The following EIF4EBP2 variants were observed in gnomAD, a reference collection of about 807,000 sequenced individuals.
The protein encoded by EIF4EBP2 is eukaryotic translation initiation factor 4E-binding protein 2.
Under a neutral mutation model 10.3 loss-of-function variants are expected in EIF4EBP2, and 5 were observed. The ratio of observed to expected loss-of-function variants is 0.48; its 90% CI spans 0.25 to 1.02. The LOEUF is 1.02. Among genes scored for constraint, EIF4EBP2 ranks in the 50% least tolerant of loss-of-function variants. The pLI, the probability that EIF4EBP2 is intolerant of heterozygous loss-of-function variation, is 0.15. For missense variants in EIF4EBP2, 188 were observed against 162.2 expected, an observed-to-expected ratio of 1.16 and a Z score of -0.86; for synonymous variants, 67 against 61.1, an observed-to-expected ratio of 1.10 and a Z score of -0.45.
At chr10:70,415,531 A>G (rs1395240532) in intron 1 of EIF4EBP2, among the ~76,000 whole-genome samples, 1 of 152,252 alleles carries the variant, frequency 6.6e-6, no homozygotes, top group African/African-American at 2.4e-5. Context: ...TGTGGTTTCA[A>G]AACTTATTAC....
chr10:70,419,447 TTTTCTCATACTTGTTTATTC>T (rs1845132188), intron 1 of EIF4EBP2, among the ~76,000 whole-genome samples: 1 of 152,246 alleles, frequency 6.6e-6, no homozygotes, highest in African/African-American at 2.4e-5. Flanking sequence ...GCTGTTTATT[TTTTCTCATACTTGTTTATTC>T]TTTCATTTAA....
intron 1 of EIF4EBP2, among the ~76,000 whole-genome samples, chr10:70,406,498 A>G (rs991174319): frequency 6.6e-6 from 1 of 151,560 alleles, no homozygotes; most frequent in Non-Finnish European, 1.5e-5. Flanking sequence ...CTCAGCTATA[A>G]TGTATTTGGA....
chr10:70,414,965 T>A (rs965354732), intron 1 of EIF4EBP2, among the ~76,000 whole-genome samples: 2 of 152,108 alleles, frequency 1.3e-5, no homozygotes, highest in Non-Finnish European at 2.9e-5. Flanking sequence ...AAGACCAGCC[T>A]GGGCAACATG....
intron 1 of EIF4EBP2, among the ~76,000 whole-genome samples, chr10:70,414,310 C>T (rs1453606713): frequency 3.3e-5 from 5 of 151,762 alleles, no homozygotes; most frequent in Non-Finnish European, 7.4e-5. Context: ...TGCTTTATAC[C>T]CACTACAATT....
intron 1 of EIF4EBP2, among the ~76,000 whole-genome samples, chr10:70,412,413 C>T (rs904641130): frequency 6.6e-6 from 1 of 151,696 alleles, no homozygotes; most frequent in African/African-American, 2.4e-5. Context: ...GGTGGGGGCT[C>T]CCTGTAAAAA....
chr10:70,406,865 G>C (rs1196796540), intron 1 of EIF4EBP2, among the ~76,000 whole-genome samples: 1 of 152,182 alleles, frequency 6.6e-6, no homozygotes, highest in Non-Finnish European at 1.5e-5. Flanking sequence ...TTTATTGGGA[G>C]AGCCCATCAT....
In EIF4EBP2 at chr10:70,422,031, A is replaced by T; in HGVS notation, c.*284A>T. The stretch of plus-strand genomic sequence containing the variant: ...GCAGCCCTTAGAGGAAAACAGTTCA[A>T]CTCTGACTTTCCTAGTTGTTTTTTT... On this transcript the variant is annotated 3_prime_UTR_variant, in exon 3 of 3. Transcript: ENST00000373218. 2.4e-6 allele frequency: 1 copy of T among 408,746 alleles called. No individual in the cohort carries two copies. The highest frequency in any genetic ancestry group is 4.4e-6 in the Non-Finnish European group (1 of 226,520). 25.3% of individuals were successfully genotyped at this position (408,746 alleles called of 1,614,324 possible). A position where few individuals can be genotyped will look rare whatever the true frequency, so the allele number is the denominator to read the frequency against.
rs540875289 is a variant in EIF4EBP2 at position 70,418,188 on chromosome 10, C to G, written c.146-1726C>G. ...ATGGAACACCACAGAGTTGAGGCCC[C>G]CTTACCCCCATGTAAGGGACACAAA... On this transcript the variant is annotated intron_variant, in intron 1 of 2. Transcript: ENST00000373218. Among the ~76,000 whole-genome samples the G allele has an allele frequency of 2.0e-5, 3 of 152,274 alleles. No homozygotes were observed. The South Asian group carries it at 6.2e-4, about 32-fold the overall frequency.
rs180997209 is a variant in EIF4EBP2, at chr10:70,422,533, C to T, written c.*786C>T. The T allele has an allele frequency of 6.6e-6, 1 of 152,222 alleles. No individual in the cohort carries two copies. Among genetic ancestry groups the T allele is most frequent in the East Asian group, 1.9e-4 (1 of 5,192 alleles). The allele number at this position is 152,222 out of a possible 1,614,324, so 9.4% of individuals were successfully genotyped here. ...AACCAGTTTTGCTCTTCTTCTGCCA[C>T]TCCTCCCTGCTTGCATCTCGTTGCT... On this transcript the variant is annotated 3_prime_UTR_variant, in exon 3 of 3. Transcript: ENST00000373218.
In EIF4EBP2 at chr10:70,404,453, C is replaced by A; in HGVS notation, c.52C>A (p.Pro18Thr). Reference protein sequence around the residue: ...GHQPSQSRAIPTRTVAISDAA... With the variant: ...GHQPSQSRAITTRTVAISDAA... The stretch of plus-strand genomic sequence containing the variant: ...CCAGCCCAGCCAGAGCCGCGCCATC[C>A]CCACCCGCACCGTGGCCATCAGCGA... Residue 18 changes from proline to threonine, a missense_variant, in exon 1 of 3, where the codon CCC becomes ACC. Transcript: ENST00000373218. 1 of 1,597,126 alleles carries A rather than the reference C, an allele frequency of 6.3e-7. No individual in the cohort carries two copies. The highest frequency in any genetic ancestry group is 2.3e-5 in the East Asian group (1 of 43,060).
At position 70,404,358 on chromosome 10, in the gene EIF4EBP2, GC is replaced by G. The variant is rs1381464931; in HGVS notation, c.-42del. ...CCGAAGCAGCCCCGGCCCCGCCGCC[GC>G]CGCCTGCCCGCCGGACAAAGCCGAG... is the stretch of plus-strand genomic sequence containing the variant. On this transcript the variant is annotated 5_prime_UTR_variant, in exon 1 of 3. Transcript: ENST00000373218. The G allele has an allele frequency of 6.7e-7, 1 of 1,484,102 alleles. No individual in the cohort carries two copies. Among genetic ancestry groups the G allele is most frequent in the Non-Finnish European group, 8.9e-7 (1 of 1,119,296 alleles). The allele number at this position is 1,484,102 out of a possible 1,614,324, so 91.9% of individuals were successfully genotyped here. A position where few individuals can be genotyped will look rare whatever the true frequency, so the allele number is the denominator to read the frequency against.
intron 1 of EIF4EBP2, among the ~76,000 whole-genome samples, chr10:70,417,319 T>C (rs561546592): frequency 1.4e-4 from 22 of 151,972 alleles, no homozygotes; most frequent in African/African-American, 4.1e-4. Flanking sequence ...GAAAGTAGAT[T>C]AGTGGTTGCC....
intron 2 of EIF4EBP2, 48 bp downstream of exon 2, chr10:70,420,147 T>A (rs1437878353): frequency 7.9e-6 from 12 of 1,510,516 alleles, no homozygotes; most frequent in Non-Finnish European, 1.1e-5. Flanking sequence ...TCTTGGAATT[T>A]GAATGTCTGT....
intron 1 of EIF4EBP2, among the ~76,000 whole-genome samples, chr10:70,418,850 C>T (rs1368315818): frequency 1.3e-5 from 2 of 152,200 alleles, no homozygotes; most frequent in South Asian, 2.1e-4. Context: ...GGATCTTGCT[C>T]TGTTGCCCAG....
intron 1 of EIF4EBP2, among the ~76,000 whole-genome samples, chr10:70,417,136 A>G (rs747969437): frequency 9.9e-5 from 15 of 152,246 alleles, no homozygotes; most frequent in Non-Finnish European, 1.9e-4. Flanking sequence ...AAGGTGCGAT[A>G]TATACATACA....
At chr10:70,409,043 G>A (rs1845014023) in intron 1 of EIF4EBP2, among the ~76,000 whole-genome samples, 1 of 152,124 alleles carries the variant, frequency 6.6e-6, no homozygotes, top group Admixed American at 6.5e-5. Context: ...GACTGAGCAG[G>A]GACATTCACA....
chr10:70,407,766 GC>G (rs1844991885), intron 1 of EIF4EBP2, among the ~76,000 whole-genome samples: 2 of 146,980 alleles, frequency 1.4e-5, no homozygotes, highest in South Asian at 4.4e-4. Flanking sequence ...GGGGCGGCTG[GC>G]CGGGCAGAGG....
chr10:70,408,822 A>C (rs938468959), intron 1 of EIF4EBP2, among the ~76,000 whole-genome samples: 1 of 152,250 alleles, frequency 6.6e-6, no homozygotes, highest in Non-Finnish European at 1.5e-5. Context: ...TTTAGTTCTG[A>C]AAGAGTAGAG....
Position 70,425,938 on chromosome 10 carries a change from A to G in EIF4EBP2, c.*4191A>G, listed in dbSNP as rs1043973060. On this transcript the variant is annotated 3_prime_UTR_variant, in exon 3 of 3. Coordinates refer to ENST00000373218, the MANE Select transcript of EIF4EBP2 (RefSeq NM_004096.5). ...TTGGTACCTGGTCTCTCCAGTCTCA[A>G]CAGACTCAGGTCAGGTCTCTCACCC... The G allele has an allele frequency of 3.9e-5, 6 of 152,244 alleles. No individual in the cohort carries two copies. The highest frequency in any genetic ancestry group is 1.4e-4 in the African/African-American group (6 of 41,452). The allele number at this position is 152,244 out of a possible 1,614,324, so 9.4% of individuals were successfully genotyped here. A position where few individuals can be genotyped will look rare whatever the true frequency, so the allele number is the denominator to read the frequency against.
Sources: gnomAD v4.1 joint callset for allele counts (sites outside exome capture counted in the v4.1 genomes callset) on GRCh38, gnomAD v4.1.1 for gene constraint, MANE v1.5 for transcripts, NCBI Gene and HGNC (gene_info 2026-07-23, HGNC 2026-07-21) for gene names.